CNTN5: variants seen among roughly 807,000 people sequenced by gnomAD.
CNTN5 encodes contactin-5.
A neutral mutation model predicts 129.1 loss-of-function variants in CNTN5; 77 were observed. The ratio of observed to expected loss-of-function variants is 0.60; its 90% CI spans 0.50 to 0.72. The LOEUF (loss-of-function observed/expected upper bound fraction) is 0.72, where lower values mean the gene tolerates loss of function less well. CNTN5 is among the 30% of genes least tolerant of loss of function. The pLI, the probability that CNTN5 is intolerant of heterozygous loss-of-function variation, is 0.00. For missense variants in CNTN5, 1,478 were observed against 1,328.8 expected (o/e 1.11, Z -1.75); for synonymous variants, 509 against 465.6 (o/e 1.09, Z -1.20).
chr11:99,358,369 C>T (rs1203257422), intron 2 of CNTN5, among the ~76,000 whole-genome samples: 1 of 136,834 alleles, frequency 7.3e-6, no homozygotes, highest in Non-Finnish European at 1.6e-5. Context: ...GCTGGGATAG[C>T]AGCCGGGCGC....
At chr11:100,140,149 T>C (rs914593813) in intron 13 of CNTN5, among the ~76,000 whole-genome samples, 2 of 152,196 alleles carry the variant, frequency 1.3e-5, no homozygotes, top group African/African-American at 4.8e-5. Flanking sequence ...AATAATTGCC[T>C]GAAAGAGCAG....
chr11:100,256,446 T>G (rs1454895087), intron 17 of CNTN5, among the ~76,000 whole-genome samples: 1 of 152,190 alleles, frequency 6.6e-6, no homozygotes, highest in Non-Finnish European at 1.5e-5. Flanking sequence ...GCTCAGTTCC[T>G]TTTGCTACTC....
At chr11:100,302,064 G>C (rs1951234848) in intron 20 of CNTN5, among the ~76,000 whole-genome samples, 1 of 151,332 alleles carries the variant, frequency 6.6e-6, no homozygotes, top group South Asian at 2.1e-4. Context: ...ATAATAATAA[G>C]TGGATTAAAA....
chr11:99,133,086 C>A (rs115823499), intron 1 of CNTN5, among the ~76,000 whole-genome samples: 75 of 152,116 alleles, frequency 4.9e-4, no homozygotes, highest in African/African-American at 1.7e-3. Flanking sequence ...GAATCGAGAA[C>A]CCAGAAATAA....
intron 3 of CNTN5, among the ~76,000 whole-genome samples, chr11:99,716,262 T>C (rs1309456132): frequency 6.6e-6 from 1 of 152,070 alleles, no homozygotes; most frequent in Non-Finnish European, 1.5e-5. Flanking sequence ...TATTAAAAAT[T>C]GATAAAGATA....
At chr11:99,730,633 T>C (rs1407360841) in intron 3 of CNTN5, among the ~76,000 whole-genome samples, 2 of 152,242 alleles carry the variant, frequency 1.3e-5, no homozygotes, top group Non-Finnish European at 2.9e-5. Context: ...TGTTTAATTA[T>C]AATCTGTTCT....
At chr11:99,180,916 G>A (rs1383157875) in intron 1 of CNTN5, among the ~76,000 whole-genome samples, 2 of 152,152 alleles carry the variant, frequency 1.3e-5, no homozygotes, top group African/African-American at 2.4e-5. Context: ...CTTGGGCTGC[G>A]GTACGCATAT....
At chr11:99,511,881 G>C (rs890416044) in intron 2 of CNTN5, among the ~76,000 whole-genome samples, 2 of 151,388 alleles carry the variant, frequency 1.3e-5, no homozygotes, top group Non-Finnish European at 2.9e-5. Flanking sequence ...CATAAAAAAA[G>C]AAAAATATTT....
At position 99,083,298 on chromosome 11, in the gene CNTN5, CAT is replaced by C. The variant is rs542463976; in HGVS notation, c.-210+62029_-210+62030del. Among the ~76,000 whole-genome samples the C allele has an allele frequency of 2.6e-3, 392 of 152,206 alleles. 3 individuals are homozygous for C. Among genetic ancestry groups the C allele is most frequent in the African/African-American group, 8.4e-3 (349 of 41,508 alleles). ...TTCTTTCTCACTGGTATTATTCACA[CAT>C]GTGTCCTCTCTTCTAAGCTCCAAAA... is the stretch of plus-strand genomic sequence containing the variant. On this transcript the variant is annotated intron_variant, in intron 1 of 24. Transcript: ENST00000524871.
In CNTN5 at chr11:99,216,797, C is replaced by T. The variant is rs148558439; in HGVS notation, c.-209-108549C>T. On this transcript the variant is annotated intron_variant, in intron 1 of 24. Transcript: ENST00000524871. ...GGACAAATGGGATCAGAGAAAGCTT[C>T]AGTTCAGGAAAGGAAATAGTCAACA... Among the ~76,000 whole-genome samples, 687 of 152,080 alleles carry T rather than the reference C, an allele frequency of 4.5e-3. 4 individuals carry two copies. The highest frequency in any genetic ancestry group is 0.016 in the African/African-American group (661 of 41,474).
chr11:99,882,863 C>G (rs4754652), intron 6 of CNTN5, among the ~76,000 whole-genome samples: 16,422 of 151,966 alleles, frequency 0.11, 1,826 homozygotes, highest in East Asian at 0.55. Context: ...CTCTTTATTC[C>G]CCCCACCTCC....
intron 1 of CNTN5, among the ~76,000 whole-genome samples, chr11:99,210,197 A>G (rs747511908): frequency 2.6e-5 from 4 of 152,194 alleles, no homozygotes; most frequent in African/African-American, 4.8e-5. Flanking sequence ...TCTTTCTTTA[A>G]CAATAAAATT....
chr11:100,168,163 T>C (rs1470202831), intron 13 of CNTN5, among the ~76,000 whole-genome samples: 1 of 151,978 alleles, frequency 6.6e-6, no homozygotes, highest in Non-Finnish European at 1.5e-5. Context: ...CTCCATAACA[T>C]AAAATCACAA....
At chr11:99,050,324 T>C (rs920894477) in intron 1 of CNTN5, among the ~76,000 whole-genome samples, 1 of 152,036 alleles carries the variant, frequency 6.6e-6, no homozygotes, top group Non-Finnish European at 1.5e-5. Context: ...GTTTATGTTT[T>C]AGGGTAAAGA....
At chr11:100,259,067 C>T (rs1387841934) in intron 17 of CNTN5, among the ~76,000 whole-genome samples, 2 of 152,060 alleles carry the variant, frequency 1.3e-5, no homozygotes, top group Non-Finnish European at 2.9e-5. Flanking sequence ...CTTGCAAAGT[C>T]ACACATAGGC....
In CNTN5 at chr11:100,095,561, T is replaced by C. The variant is rs145751472; in HGVS notation, c.1580+21267T>C. ...GCGTGGGTTCATTGTGTATAGTTAG[T>C]TACCAATTTGTCTCTCTGTAAAAAA... On this transcript the variant is annotated intron_variant, in intron 13 of 24. Coordinates refer to ENST00000524871, the MANE Select transcript of CNTN5 (RefSeq NM_014361.4). Among the ~76,000 whole-genome samples, 1,051 of 152,204 alleles carry C rather than the reference T, an allele frequency of 6.9e-3. 12 individuals carry two copies. The highest frequency in any genetic ancestry group is 0.024 in the African/African-American group (1,005 of 41,550).
intron 1 of CNTN5, among the ~76,000 whole-genome samples, chr11:99,272,392 T>C (rs1863215963): frequency 6.6e-6 from 1 of 151,860 alleles, no homozygotes; most frequent in South Asian, 2.1e-4. Flanking sequence ...ATGCAAACTT[T>C]TTAATCTAAG....
At chr11:99,408,384 GA>G (rs1336999538) in intron 2 of CNTN5, among the ~76,000 whole-genome samples, 2 of 127,276 alleles carry the variant, frequency 1.6e-5, no homozygotes, top group African/African-American at 5.8e-5. Flanking sequence ...AAAAAAAAAA[GA>G]AAGAAAGAAA....
intron 2 of CNTN5, among the ~76,000 whole-genome samples, chr11:99,426,824 TGTAA>T (rs1477976262): frequency 6.6e-6 from 1 of 152,168 alleles, no homozygotes; most frequent in African/African-American, 2.4e-5. Context: ...ATAAGGCTAC[TGTAA>T]GTGTTTATGA....
Sources: gnomAD v4.1 joint callset for allele counts (sites outside exome capture counted in the v4.1 genomes callset) on GRCh38, gnomAD v4.1.1 for gene constraint, MANE v1.5 for transcripts, NCBI Gene and HGNC (gene_info 2026-07-23, HGNC 2026-07-21) for gene names.